GOLGA8A: variants seen among roughly 807,000 people sequenced by gnomAD.
GOLGA8A encodes the protein golgin A8 family member A.
Under a neutral mutation model 22.1 loss-of-function variants are expected in GOLGA8A, and 3 were observed. The ratio of observed to expected loss-of-function variants is 0.14; its 90% confidence interval spans 0.06 to 0.35. The LOEUF is 0.35. Among genes scored for constraint, GOLGA8A ranks in the 10% least tolerant of loss-of-function variants. The pLI is 1.00. For missense variants in GOLGA8A, 16 were observed against 233.2 expected (o/e 0.07, Z 6.07); for synonymous variants, 7 against 91.7 (o/e 0.08, Z 5.28).
In GOLGA8A at chr15:34,423,836, G is replaced by A. The variant is rs1446718878; in HGVS notation, c.-1123+11547C>T. On this transcript the variant is annotated intron_variant, in intron 2 of 24. Transcript: ENST00000359187. ...CCCACCACCTGCTTTGAGAACCAGG[G>A]CTGTGCCCTACCCTCTTCTCCCTAC... 1.5e-4 allele frequency among the ~76,000 whole-genome samples: 23 copies of A among 149,252 alleles called. 4 individuals are homozygous for A. The highest frequency in any genetic ancestry group is 5.2e-4 in the African/African-American group (21 of 40,404).
rs560267418 is a variant in GOLGA8A at position 34,428,421 on chromosome 15, C to G, written c.-1123+6962G>C. On this transcript the variant is annotated intron_variant, in intron 2 of 24. Transcript: ENST00000359187. ...CAAATCACATTTCTAAGGAGCCTAA[C>G]AAGCAGCAGGCCTTTCCAGTTACAG... Among the ~76,000 whole-genome samples the G allele has an allele frequency of 2.5e-4, 37 of 148,574 alleles. 3 individuals carry two copies. The highest frequency in any genetic ancestry group is 3.6e-4 in the Non-Finnish European group (24 of 67,016).
At chr15:34,435,096 C>A (rs1893440261) in intron 2 of GOLGA8A, among the ~76,000 whole-genome samples, 1 of 149,420 alleles carries the variant, frequency 6.7e-6, no homozygotes, top group Non-Finnish European at 1.5e-5. Context: ...GAGGCCCTCA[C>A]CTATTAAGTC....
At chr15:34,425,989 C>T (rs1246205905) in intron 2 of GOLGA8A, among the ~76,000 whole-genome samples, 1 of 144,814 alleles carries the variant, frequency 6.9e-6, no homozygotes, top group African/African-American at 2.5e-5. Flanking sequence ...ACACCGCTGC[C>T]CCACACACTA....
intron 2 of GOLGA8A, among the ~76,000 whole-genome samples, chr15:34,431,318 T>TATATATATATATATATATATAC (rs1893233287): frequency 1.5e-4 from 2 of 12,980 alleles, no homozygotes; most frequent in Admixed American, 1.0e-3. Context: ...TATACATATA[T>TATATATATATATATATATATAC]ATATATATAT....
chr15:34,429,725 G>A (rs1277733661), intron 2 of GOLGA8A, among the ~76,000 whole-genome samples: 5 of 146,378 alleles, frequency 3.4e-5, no homozygotes, highest in South Asian at 4.6e-4. Context: ...CTGAGTACAC[G>A]GCTGGATAGA....
chr15:34,437,310 C>G (rs1170509805), intron 1 of GOLGA8A, 88 bp downstream of exon 1: 1 of 144,114 alleles, frequency 6.9e-6, no homozygotes, highest in African/African-American at 2.6e-5. Context: ...TACGCGCCGC[C>G]CCCCACGCGT....
chr15:34,428,244 C>T (rs1893069911), intron 2 of GOLGA8A, among the ~76,000 whole-genome samples: 1 of 147,644 alleles, frequency 6.8e-6, no homozygotes, highest in African/African-American at 2.5e-5. Context: ...CACCCGTGAG[C>T]CACCACATCT....
chr15:34,427,149 G>A (rs1362967019), intron 2 of GOLGA8A, among the ~76,000 whole-genome samples: 1 of 147,160 alleles, frequency 6.8e-6, no homozygotes, highest in African/African-American at 2.5e-5. Context: ...TGGCTAACAC[G>A]GTGAAACCTC....
chr15:34,418,833 C>T (rs2644237), intron 2 of GOLGA8A: 133,673 of 145,158 alleles, frequency 0.92, 63,321 homozygotes, highest in South Asian at 1. Flanking sequence ...TGAGTTTAGC[C>T]CCAGTTCCCA....
At chr15:34,430,819 CA>C (rs1054157889) in intron 2 of GOLGA8A, among the ~76,000 whole-genome samples, 1 of 149,776 alleles carries the variant, frequency 6.7e-6, no homozygotes, top group Non-Finnish European at 1.5e-5. Context: ...TGAGTCAAGA[CA>C]AACTCTGAGC....
At chr15:34,427,400 CGA>C (rs1427068710) in intron 2 of GOLGA8A, among the ~76,000 whole-genome samples, 5 of 147,076 alleles carry the variant, frequency 3.4e-5, no homozygotes, top group South Asian at 2.2e-4. Context: ...AGAAAATAAT[CGA>C]GTCCGTTTTT....
At position 34,437,391 on chromosome 15, in the gene GOLGA8A, A is replaced by G; in HGVS notation, c.-1212+7T>C. 7.1e-6 allele frequency: 1 copy of G among 140,598 alleles called. No individual in the cohort carries two copies. The highest frequency in any genetic ancestry group is 1.6e-5 in the Non-Finnish European group (1 of 63,792). 8.7% of individuals were successfully genotyped at this position (140,598 alleles called of 1,614,324 possible). On this transcript the variant is annotated splice_region_variant and intron_variant, in intron 1 of 24. Coordinates refer to ENST00000359187, the MANE Select transcript of GOLGA8A (RefSeq NM_181077.5). Reference sequence around the variant, plus strand: ...GCGAGTCAGGCAGCCGAGGTTCCCCAGCTTACCTGGCCAGGGCGCGGGGCT... The same window carrying G: ...GCGAGTCAGGCAGCCGAGGTTCCCCGGCTTACCTGGCCAGGGCGCGGGGCT...
Position 34,423,250 on chromosome 15 carries a change from G to A in GOLGA8A, c.-1123+12133C>T, listed in dbSNP as rs1288144067. 6.3e-5 allele frequency among the ~76,000 whole-genome samples: 8 copies of A among 126,278 alleles called. 1 individual carries two copies. Among genetic ancestry groups the A allele is most frequent in the Non-Finnish European group, 1.0e-4 (6 of 57,700 alleles). 82.8% of individuals were successfully genotyped at this position (126,278 alleles called of 152,430 possible). A position where few individuals can be genotyped will look rare whatever the true frequency, so the allele number is the denominator to read the frequency against. ...CCCTACCACCACAGGGCAACATGGGGCCACATCACGCCACCCTGCAGCTCC... is the reference window on the plus strand; with the variant it reads ...CCCTACCACCACAGGGCAACATGGGACCACATCACGCCACCCTGCAGCTCC... On this transcript the variant is annotated intron_variant, in intron 2 of 24. Coordinates refer to ENST00000359187, the MANE Select transcript of GOLGA8A (RefSeq NM_181077.5).
intron 12 of GOLGA8A, among the ~76,000 whole-genome samples, chr15:34,386,258 A>G (rs1264792586): frequency 7.1e-6 from 1 of 140,982 alleles, no homozygotes; most frequent in East Asian, 2.1e-4. Context: ...CTCCTCTGGA[A>G]ACACGAGCCC....
rs541553322 is a variant in GOLGA8A at position 34,428,412 on chromosome 15, G to A, written c.-1123+6971C>T. Reference sequence around the variant, plus strand: ...CCCAGCCTTCAAATCACATTTCTAAGGAGCCTAACAAGCAGCAGGCCTTTC... The same window carrying A: ...CCCAGCCTTCAAATCACATTTCTAAAGAGCCTAACAAGCAGCAGGCCTTTC... On this transcript the variant is annotated intron_variant, in intron 2 of 24. Transcript: ENST00000359187. Among the ~76,000 whole-genome samples the A allele has an allele frequency of 8.8e-5, 13 of 148,496 alleles. 1 individual carries two copies. The East Asian group carries it at 2.6e-3, about 29-fold the overall frequency.
intron 2 of GOLGA8A, among the ~76,000 whole-genome samples, chr15:34,424,524 C>G (rs1376486652): frequency 2.1e-5 from 3 of 146,288 alleles, no homozygotes; most frequent in Non-Finnish European, 4.5e-5. Context: ...AAGGCAACAA[C>G]TTTTCTACAG....
At position 34,381,287 on chromosome 15, in the gene GOLGA8A, AAC is replaced by A. The variant is rs1304530606; in HGVS notation, c.*122_*123del. ...AAATAAACTTAAACTATAAATTAGA[AAC>A]ACAAATAATCATGAGTAGCTCTAAC... On this transcript the variant is annotated 3_prime_UTR_variant, in exon 25 of 25. Transcript: ENST00000359187. The A allele has an allele frequency of 3.9e-5, 42 of 1,081,432 alleles. No individual in the cohort carries two copies. Among genetic ancestry groups the A allele is most frequent in the Non-Finnish European group, 5.3e-5 (39 of 735,180 alleles). The allele number at this position is 1,081,432 out of a possible 1,614,324, so 67.0% of individuals were successfully genotyped here. A position where few individuals can be genotyped will look rare whatever the true frequency, so the allele number is the denominator to read the frequency against.
At chr15:34,400,865 A>G (rs1340478087) in intron 5 of GOLGA8A, 106 bp from the exon 6 acceptor site, 1 of 129,926 alleles carries the variant, frequency 7.7e-6, no homozygotes, top group Non-Finnish European at 1.8e-5. Context: ...AAAGCTAAGT[A>G]CGAAGCTTTT....
intron 2 of GOLGA8A, among the ~76,000 whole-genome samples, chr15:34,429,924 G>A (rs1282062017): frequency 6.7e-6 from 1 of 148,174 alleles, no homozygotes; most frequent in Non-Finnish European, 1.5e-5. Flanking sequence ...CTATGTGACA[G>A]ATAAAAGGAG....
Sources: gnomAD v4.1 joint callset for allele counts (sites outside exome capture counted in the v4.1 genomes callset) on GRCh38, gnomAD v4.1.1 for gene constraint, MANE v1.5 for transcripts, NCBI Gene and HGNC (gene_info 2026-07-23, HGNC 2026-07-21) for gene names.